The following CDC37 variants were observed in gnomAD, a reference collection of about 807,000 sequenced individuals.
CDC37 encodes the protein hsp90 co-chaperone Cdc37.
A neutral mutation model predicts 46.9 loss-of-function variants in CDC37; 9 were observed. The ratio of observed to expected loss-of-function variants is 0.19; its 90% CI spans 0.12 to 0.33. The LOEUF (loss-of-function observed/expected upper bound fraction) is 0.33. CDC37 is among the 10% of genes least tolerant of loss of function. The probability of loss-of-function intolerance (pLI) is 1.00; values close to 1 mark genes in which losing one functional copy is unlikely to be tolerated. For synonymous variants in CDC37, 193 were observed against 191.0 expected (o/e 1.01, Z -0.09); for missense variants, 388 against 514.6 (o/e 0.75, Z 2.38).
At chr19:10,400,231 C>T (rs993649646) in intron 1 of CDC37, among the ~76,000 whole-genome samples, 1 of 152,188 alleles carries the variant, frequency 6.6e-6, no homozygotes, top group Non-Finnish European at 1.5e-5. Context: ...GATGTCACTA[C>T]CCTCCTGCCT....
chr19:10,391,898 A>G (rs11878501), intron 7 of CDC37, among the ~76,000 whole-genome samples, 192 bp from the exon 8 acceptor site: 46,654 of 152,052 alleles, frequency 0.31, 7,456 homozygotes, highest in East Asian at 0.54. Context: ...TCCACCTCCC[A>G]GGTTCAAGTG....
intron 1 of CDC37, among the ~76,000 whole-genome samples, chr19:10,397,724 G>A (rs1334703638): frequency 6.6e-6 from 1 of 151,846 alleles, no homozygotes; most frequent in Non-Finnish European, 1.5e-5. Context: ...ATGTTTCTTT[G>A]TTCCACCCAT....
rs1381342007 is a variant in CDC37 at position 10,391,541 on chromosome 19, C to G, written c.*10G>C. 6.2e-7 allele frequency: 1 copy of G among 1,614,124 alleles called. No homozygotes were observed. Among genetic ancestry groups the G allele is most frequent in the South Asian group, 1.1e-5 (1 of 91,084 alleles). On this transcript the variant is annotated 3_prime_UTR_variant, in exon 8 of 8. Coordinates refer to ENST00000222005, the MANE Select transcript of CDC37 (RefSeq NM_007065.4). ...GCCTGGAAGCAGGTGGCGGTGGTAG[C>G]TGGGGCAGGTCACACACTGACATCC...
Position 10,393,722 on chromosome 19 carries a change from T to A in CDC37, c.727-281A>T. 1 of 394,226 alleles carries A rather than the reference T, an allele frequency of 2.5e-6. No homozygotes were observed. 24.4% of individuals were successfully genotyped at this position (394,226 alleles called of 1,614,324 possible). ...GCACCTCTAACTCAACATGGCCACC[T>A]CCCAGCCTGCCTTGTCCTTGGTCTC... On this transcript the variant is annotated intron_variant, in intron 5 of 7. Transcript: ENST00000222005. The surrounding 1 kb of genome is among the most constrained non-coding windows in gnomAD (Gnocchi z 4.9).
At position 10,393,473 on chromosome 19, in the gene CDC37, G is replaced by C. The variant is rs1292424043; in HGVS notation, c.727-32C>G. ...GGGTTGGGCAGTGCTCACTGGACCT[G>C]GCCCAACGCTCAGGAGGGACTGGGG... On this transcript the variant is annotated intron_variant, in intron 5 of 7. Transcript: ENST00000222005. The surrounding 1 kb of genome is among the most constrained non-coding windows in gnomAD (Gnocchi z 4.9). 2 of 1,588,982 alleles carry C rather than the reference G, an allele frequency of 1.3e-6. No homozygotes were observed. Among genetic ancestry groups the C allele is most frequent in the East Asian group, 4.5e-5 (2 of 44,722 alleles).
chr19:10,401,362 A>G (rs1194436080), intron 1 of CDC37, among the ~76,000 whole-genome samples: 1 of 152,076 alleles, frequency 6.6e-6, no homozygotes, highest in African/African-American at 2.4e-5. Flanking sequence ...TGCCACTACA[A>G]CCACCGGGGT....
chr19:10,398,156 T>C lies in CDC37; in HGVS notation c.103-1953A>G, dbSNP rs530862291. ...TGTGAAGCCCATGCATTTGACCACG[T>C]GACCAGAGTCCTCCCCACTACATCT... On this transcript the variant is annotated intron_variant, in intron 1 of 7. Coordinates refer to ENST00000222005, the MANE Select transcript of CDC37 (RefSeq NM_007065.4). The surrounding 1 kb of genome is among the most constrained non-coding windows in gnomAD (Gnocchi z 4.2). 1.3e-5 allele frequency among the ~76,000 whole-genome samples: 2 copies of C among 152,188 alleles called. No homozygotes were observed. The highest frequency in any genetic ancestry group is 2.9e-5 in the Non-Finnish European group (2 of 68,034).
intron 2 of CDC37, 134 bp downstream of exon 2, chr19:10,395,794 C>G (rs1173960664): frequency 9.6e-6 from 6 of 626,446 alleles, no homozygotes; most frequent in Admixed American, 6.5e-5. Flanking sequence ...CATCCCTCAG[C>G]TCCCCGCCCC....
At chr19:10,403,210 G>A (rs896901547) in intron 1 of CDC37, among the ~76,000 whole-genome samples, 168 bp downstream of exon 1, 1 of 152,040 alleles carries the variant, frequency 6.6e-6, no homozygotes, top group South Asian at 2.1e-4. Flanking sequence ...CAGGGACTCA[G>A]GGTCCCAATG....
At chr19:10,392,996 C>G in intron 7 of CDC37, 90 bp downstream of exon 7, 1 of 1,260,692 alleles carries the variant, frequency 7.9e-7, no homozygotes, top group Non-Finnish European at 1.2e-6. Flanking sequence ...TGGAGGGGCA[C>G]TTTCACCAGC....
chr19:10,397,655 T>A (rs1253346445), intron 1 of CDC37, among the ~76,000 whole-genome samples: 2 of 152,106 alleles, frequency 1.3e-5, no homozygotes, highest in Admixed American at 6.6e-5. Flanking sequence ...TCCACCCACC[T>A]TGGCCTCCCA....
At position 10,393,072 on chromosome 19, in the gene CDC37, C is replaced by CG; in HGVS notation, c.981+13dup. 6.2e-7 allele frequency: 1 copy of CG among 1,611,936 alleles called. No homozygotes were observed. Among genetic ancestry groups the CG allele is most frequent in the Non-Finnish European group, 8.5e-7 (1 of 1,178,120 alleles). ...CGGCCCGCCGGGAAGGCATGGGGCGCGGGGGTTACTCACGGTGGGGTCCAT... is the reference window on the plus strand; with the variant it reads ...CGGCCCGCCGGGAAGGCATGGGGCGCGGGGGGTTACTCACGGTGGGGTCCAT... On this transcript the variant is annotated intron_variant, in intron 7 of 7. Coordinates refer to ENST00000222005, the MANE Select transcript of CDC37 (RefSeq NM_007065.4). This position sits in a 1 kb window ranked among gnomAD's most constrained non-coding sequence, Gnocchi z 4.9.
In CDC37 at chr19:10,403,533, A is replaced by C. The variant is rs1226399240; in HGVS notation, c.-54T>G. 2.2e-6 allele frequency: 3 copies of C among 1,357,452 alleles called. No homozygotes were observed. The highest frequency in any genetic ancestry group is 3.1e-6 in the Non-Finnish European group (3 of 958,292). 84.1% of individuals were successfully genotyped at this position (1,357,452 alleles called of 1,614,324 possible). A position where few individuals can be genotyped will look rare whatever the true frequency, so the allele number is the denominator to read the frequency against. On this transcript the variant is annotated 5_prime_UTR_variant, in exon 1 of 8. Transcript: ENST00000222005. ...CTCGGGTGGCGGCGACGGCGGCAGCAGTGGAGACTAGGAGCGCGGAGCCCC... is the reference window on the plus strand; with the variant it reads ...CTCGGGTGGCGGCGACGGCGGCAGCCGTGGAGACTAGGAGCGCGGAGCCCC...
chr19:10,395,148 C>T lies in CDC37; in HGVS notation c.604-5G>A. Reference sequence around the variant, plus strand: ...CTGCTCCATGAGTGCACATTTCTGCCAGGAAGAACAGGCACAGCGTCACCA... The same window carrying T: ...CTGCTCCATGAGTGCACATTTCTGCTAGGAAGAACAGGCACAGCGTCACCA... On this transcript the variant is annotated splice_region_variant and splice_polypyrimidine_tract_variant and intron_variant, in intron 4 of 7. Coordinates refer to ENST00000222005, the MANE Select transcript of CDC37 (RefSeq NM_007065.4). 6.2e-7 allele frequency: 1 copy of T among 1,602,946 alleles called. No individual in the cohort carries two copies. Among genetic ancestry groups the T allele is most frequent in the Non-Finnish European group, 8.5e-7 (1 of 1,171,784 alleles).
In CDC37 at chr19:10,395,021, C is replaced by G. The variant is rs1453478669; in HGVS notation, c.726G>C (p.Lys242Asn). ...CCACCTGGCAGCTCAGGGACCCTACCTTAATCTTAGTGAAGAACTGCCGGA... is the reference window on the plus strand; with the variant it reads ...CCACCTGGCAGCTCAGGGACCCTACGTTAATCTTAGTGAAGAACTGCCGGA... ...ACFRQFFTKI[K>N]TADRQYMEGF... is the part of the protein sequence containing the mutation. The change falls in exon 5 of 8, where the codon AAG becomes AAC. Residue 242 changes from lysine (K) to asparagine (N), a missense_variant and splice_region_variant. Around this residue, in one of 2 missense-constraint regions of CDC37, gnomAD observed 374 missense variants for 467.4 expected, o/e 0.80. Transcript: ENST00000222005. The G allele has an allele frequency of 6.6e-7, 1 of 1,523,778 alleles. No homozygotes were observed. Among genetic ancestry groups the G allele is most frequent in the Admixed American group, 2.2e-5 (1 of 46,344 alleles). 94.4% of individuals were successfully genotyped at this position (1,523,778 alleles called of 1,614,324 possible).
chr19:10,394,997 C>T, intron 5 of CDC37, 24 bp downstream of exon 5: 1 of 1,510,042 alleles, frequency 6.6e-7, no homozygotes, highest in South Asian at 1.4e-5. Context: ...GGCCTCCAGC[C>T]ACCTGGCAGC....
intron 7 of CDC37, among the ~76,000 whole-genome samples, chr19:10,391,941 G>A (rs1176001049): frequency 6.6e-6 from 1 of 152,132 alleles, no homozygotes; most frequent in Non-Finnish European, 1.5e-5. Flanking sequence ...AGTAGCTGGG[G>A]TTACCGACGC....
chr19:10,393,644 GC>G lies in CDC37; in HGVS notation c.727-204del. The G allele has an allele frequency of 1.8e-6, 1 of 570,480 alleles. No individual in the cohort carries two copies. The highest frequency in any genetic ancestry group is 3.1e-6 in the Non-Finnish European group (1 of 326,526). The allele number at this position is 570,480 out of a possible 1,614,324, so 35.3% of individuals were successfully genotyped here. ...TTTGCCAAAGACCACCTGCTTGGGA[GC>G]CCTGCTCTACTGCAGATCTGAGACA... On this transcript the variant is annotated intron_variant, in intron 5 of 7. Coordinates refer to ENST00000222005, the MANE Select transcript of CDC37 (RefSeq NM_007065.4). The surrounding 1 kb of genome is among the most constrained non-coding windows in gnomAD (Gnocchi z 4.9).
chr19:10,391,739 C>T, intron 7 of CDC37, 33 bp from the exon 8 acceptor site: 1 of 1,604,442 alleles, frequency 6.2e-7, no homozygotes, highest in East Asian at 2.2e-5. Flanking sequence ...TGAGGTGGGG[C>T]CGCCAGCCGG....
Sources: gnomAD v4.1 joint callset for allele counts (sites outside exome capture counted in the v4.1 genomes callset) on GRCh38, gnomAD v4.1.1 for gene constraint, gnomAD v4.1.1 regional missense constraint, Gnocchi (gnomAD v3.1) non-coding constraint, MANE v1.5 for transcripts, NCBI Gene and HGNC (gene_info 2026-07-23, HGNC 2026-07-21) for gene names.